Variants in PAK3 observed in about 807,000 individuals in gnomAD.
The protein encoded by PAK3 is serine/threonine-protein kinase PAK 3.
A neutral mutation model predicts 41.0 loss-of-function variants in PAK3; 4 were observed. The ratio of observed to expected loss-of-function variants is 0.10; its 90% CI spans 0.05 to 0.22. The LOEUF (loss-of-function observed/expected upper bound fraction) is 0.22. Ranked by LOEUF, PAK3 falls within the 10% of genes least tolerant of loss-of-function variation. PAK3 has a pLI of 1.00. For missense variants in PAK3, 205 were observed against 409.9 expected, an observed-to-expected ratio of 0.50 and a Z score of 4.32; for synonymous variants, 146 against 139.6, an observed-to-expected ratio of 1.05 and a Z score of -0.32.
At chrX:111,062,397 G>A (rs969802206) in intron 1 of PAK3, among the ~76,000 whole-genome samples, 3 of 112,281 alleles carry the variant, frequency 2.7e-5, no homozygotes, top group Non-Finnish European at 5.6e-5. Context: ...ATGGTATACT[G>A]TGTGTGGTAC....
intron 1 of PAK3, among the ~76,000 whole-genome samples, chrX:111,046,527 T>A (rs769344881): frequency 5.4e-5 from 6 of 111,675 alleles, no homozygotes; most frequent in Non-Finnish European, 9.4e-5. Context: ...TATTGCATAA[T>A]GTCATGTGAG....
upstream of PAK3, among the ~76,000 whole-genome samples, chrX:111,091,576 G>T (rs1364480419): frequency 8.9e-6 from 1 of 111,821 alleles, no homozygotes; most frequent in Non-Finnish European, 1.9e-5. Context: ...CCCAGCCATG[G>T]GCTTTCCTCT....
chrX:111,100,448 A>T (rs990917560), intron 3 of PAK3, among the ~76,000 whole-genome samples: 5 of 111,439 alleles, frequency 4.5e-5, no homozygotes, highest in African/African-American at 1.6e-4. Flanking sequence ...GCCCTTGTGC[A>T]GCGGTTACTC....
chrX:110,975,845 A>C (rs959617516), intron 1 of PAK3, among the ~76,000 whole-genome samples: 20 of 112,074 alleles, frequency 1.8e-4, no homozygotes, highest in Middle Eastern at 4.6e-3. Flanking sequence ...ACCTGACAAA[A>C]ACAAGAAATG....
chrX:111,187,465 C>T (rs2094521555), intron 11 of PAK3, among the ~76,000 whole-genome samples: 1 of 111,342 alleles, frequency 9.0e-6, no homozygotes, highest in Non-Finnish European at 1.9e-5. Context: ...CACAAAGAAA[C>T]TAAATTACTT....
intron 1 of PAK3, among the ~76,000 whole-genome samples, chrX:111,017,234 A>T (rs1252288695): frequency 9.0e-6 from 1 of 111,576 alleles, no homozygotes; most frequent in Non-Finnish European, 1.9e-5. Context: ...AACAGAGATA[A>T]ATAAAAATAG....
chrX:110,963,539 T>C (rs2091021450), intron 1 of PAK3, among the ~76,000 whole-genome samples: 1 of 112,719 alleles, frequency 8.9e-6, no homozygotes. Flanking sequence ...TCAGAGAATG[T>C]TCATGGTGAG....
chrX:111,158,916 T>C (rs746465733), intron 8 of PAK3, among the ~76,000 whole-genome samples: 2 of 111,548 alleles, frequency 1.8e-5, no homozygotes, highest in South Asian at 7.6e-4. Context: ...CTGATCTTTG[T>C]ACCAGTTTAA....
chrX:111,010,056 G>A (rs2091989479), intron 1 of PAK3, among the ~76,000 whole-genome samples: 2 of 112,031 alleles, frequency 1.8e-5, no homozygotes, highest in Admixed American at 1.9e-4. Context: ...TTTAGTCTTG[G>A]TTCATGAACT....
chrX:110,970,795 T>C (rs939836615), intron 1 of PAK3, among the ~76,000 whole-genome samples: 1 of 112,328 alleles, frequency 8.9e-6, no homozygotes, highest in Non-Finnish European at 1.9e-5. Flanking sequence ...TGTATGATGA[T>C]ATTGTATCCT....
At chrX:111,205,174 A>G (rs1309984632) in intron 16 of PAK3, among the ~76,000 whole-genome samples, 1 of 110,646 alleles carries the variant, frequency 9.0e-6, no homozygotes, top group Non-Finnish European at 1.9e-5. Flanking sequence ...TTTGTTTACC[A>G]GTAGGCTCCA....
intron 10 of PAK3, among the ~76,000 whole-genome samples, chrX:111,171,452 T>C (rs1047016396): frequency 9.0e-6 from 1 of 111,502 alleles, no homozygotes; most frequent in African/African-American, 3.3e-5. Context: ...AACCCCAAGA[T>C]TTTTCTGGAC....
intron 1 of PAK3, among the ~76,000 whole-genome samples, chrX:111,054,904 A>G (rs1292680518): frequency 8.9e-6 from 1 of 111,778 alleles, no homozygotes; most frequent in African/African-American, 3.3e-5. Context: ...TTCAATGTTT[A>G]TACTGATTGG....
Position 111,216,599 on chromosome X carries a change from C to G in PAK3, c.1545+41C>G, listed in dbSNP as rs10521535. On this transcript the variant is annotated intron_variant, in intron 17 of 17. Transcript: ENST00000372007. ...GACAATTACAAAGAGAGGCATTATA[C>G]TCAGCTTTTCCATCTCAATGTGTGA... is the stretch of plus-strand genomic sequence containing the variant. 0.033 allele frequency: 35,030 copies of G among 1,071,314 alleles called. 809 individuals are homozygous for G. The highest frequency in any genetic ancestry group is 0.15 in the African/African-American group (8,260 of 54,301). 88.3% of individuals were successfully genotyped at this position (1,071,314 alleles called of 1,213,427 possible).
chrX:111,015,621 T>G (rs1046293023), intron 1 of PAK3, among the ~76,000 whole-genome samples: 1 of 111,573 alleles, frequency 9.0e-6, no homozygotes, highest in African/African-American at 3.3e-5. Context: ...TATTCTCTGT[T>G]TTCTTGTTGA....
intron 1 of PAK3, among the ~76,000 whole-genome samples, chrX:111,025,295 A>C (rs2092253440): frequency 9.0e-6 from 1 of 111,411 alleles, no homozygotes; most frequent in Non-Finnish European, 1.9e-5. Flanking sequence ...AACGAAGATC[A>C]GAGCAGAACT....
intron 4 of PAK3, among the ~76,000 whole-genome samples, chrX:111,121,407 TTGAG>T (rs1402941559): frequency 8.9e-6 from 1 of 112,186 alleles, no homozygotes; most frequent in Non-Finnish European, 1.9e-5. Context: ...TAACCTATTC[TTGAG>T]TAATTACAGA....
intron 1 of PAK3, among the ~76,000 whole-genome samples, chrX:110,983,010 A>G (rs1348069243): frequency 3.6e-5 from 4 of 110,975 alleles, no homozygotes; most frequent in African/African-American, 1.3e-4. Context: ...GTGGGTTCCA[A>G]GTCAATGTGC....
chrX:110,953,107 T>C (rs2090779379), intron 1 of PAK3, among the ~76,000 whole-genome samples: 1 of 112,294 alleles, frequency 8.9e-6, no homozygotes, highest in Non-Finnish European at 1.9e-5. Flanking sequence ...GTTTTTCTTT[T>C]CTAATGAACT....
Sources: allele counts gnomAD v4.1 joint callset (sites outside exome capture counted in the v4.1 genomes callset), GRCh38; gene constraint gnomAD v4.1.1; transcripts MANE v1.5; gene names NCBI Gene and HGNC (gene_info 2026-07-23, HGNC 2026-07-21).